VPS39: variants seen among roughly 807,000 people sequenced by gnomAD.
VPS39 encodes the protein vam6/Vps39-like protein.
In VPS39, 70 loss-of-function variants were observed where a neutral mutation model predicts 121.0. That is an observed-to-expected ratio of 0.58 (90% CI 0.48 to 0.71). The LOEUF (loss-of-function observed/expected upper bound fraction) is 0.71. Among genes scored for constraint, VPS39 ranks in the 30% least tolerant of loss-of-function variants. The probability of loss-of-function intolerance (pLI) is 0.00; values close to 1 mark genes in which losing one functional copy is unlikely to be tolerated. For missense variants in VPS39, 818 were observed against 1,051.5 expected (o/e 0.78, Z 3.07); for synonymous variants, 378 against 398.1 (o/e 0.95, Z 0.60).
intron 17 of VPS39, 190 bp from the exon 18 acceptor site, chr15:42,165,303 A>G (rs548857830): frequency 5.0e-6 from 3 of 600,904 alleles, no homozygotes; most frequent in African/African-American, 1.9e-5. Flanking sequence ...TAACGTGAGG[A>G]GCCATCTTCT....
At chr15:42,200,853 C>G (rs530367698) in intron 1 of VPS39, among the ~76,000 whole-genome samples, 1 of 152,132 alleles carries the variant, frequency 6.6e-6, no homozygotes, top group Non-Finnish European at 1.5e-5. Flanking sequence ...GTCTATATAA[C>G]GGAATATTAG....
chr15:42,193,545 G>T, intron 2 of VPS39, among the ~76,000 whole-genome samples: 1 of 151,346 alleles, frequency 6.6e-6, no homozygotes. Flanking sequence ...CACTTTGAAT[G>T]TATTTTTTAC....
chr15:42,168,294 T>C (rs897458073), intron 12 of VPS39, among the ~76,000 whole-genome samples: 1 of 152,234 alleles, frequency 6.6e-6, no homozygotes, highest in Admixed American at 6.5e-5. Flanking sequence ...TGGAGGGCCT[T>C]CCACAATGCC....
intron 2 of VPS39, 136 bp from the exon 3 acceptor site, chr15:42,191,696 T>C (rs979267621): frequency 1.3e-6 from 1 of 749,374 alleles, no homozygotes; most frequent in African/African-American, 1.8e-5. Context: ...ATCAGAGATC[T>C]AAATAGCCAG....
intron 15 of VPS39, 142 bp from the exon 16 acceptor site, chr15:42,166,374 T>C: frequency 9.0e-7 from 1 of 1,113,032 alleles, no homozygotes; most frequent in Non-Finnish European, 1.3e-6. Context: ...TTAGCCCTAC[T>C]GGGCTGGCTC....
chr15:42,175,827 C>G (rs563706946), intron 10 of VPS39, among the ~76,000 whole-genome samples: 1 of 152,098 alleles, frequency 6.6e-6, no homozygotes, highest in African/African-American at 2.4e-5. Flanking sequence ...ACACTTTACA[C>G]TTCTTTAACT....
chr15:42,160,965 CCTG>C, intron 24 of VPS39, 136 bp from the exon 25 acceptor site: 1 of 790,624 alleles, frequency 1.3e-6, no homozygotes, highest in Non-Finnish European at 2.1e-6. Context: ...CAAAGAACAG[CCTG>C]CCTGAGGGGC....
At chr15:42,198,780 T>A (rs2050000665) in intron 2 of VPS39, among the ~76,000 whole-genome samples, 1 of 152,230 alleles carries the variant, frequency 6.6e-6, no homozygotes, top group Non-Finnish European at 1.5e-5. Context: ...TGCCTACAGC[T>A]GCTTTCATGT....
intron 6 of VPS39, 66 bp downstream of exon 6, chr15:42,187,692 C>T: frequency 6.9e-7 from 1 of 1,452,094 alleles, no homozygotes. Flanking sequence ...GAGTCCTGAA[C>T]TTCACTAGAA....
At chr15:42,177,559 A>C (rs954948596) in intron 10 of VPS39, among the ~76,000 whole-genome samples, 6 of 152,360 alleles carry the variant, frequency 3.9e-5, no homozygotes, top group Admixed American at 3.9e-4. Flanking sequence ...GTTGCATTCA[A>C]CTTTACTATA....
chr15:42,185,732 A>C (rs1352476478), intron 7 of VPS39, among the ~76,000 whole-genome samples: 1 of 152,180 alleles, frequency 6.6e-6, no homozygotes, highest in Non-Finnish European at 1.5e-5. Flanking sequence ...AGGTCTAGGA[A>C]CAGAAGGAGA....
chr15:42,192,163 A>G, intron 2 of VPS39: 2 of 1,505,150 alleles, frequency 1.3e-6, no homozygotes, highest in African/African-American at 1.4e-5. Context: ...CTTGCTGGGG[A>G]TGACAAAAAT....
At position 42,164,478 on chromosome 15, in the gene VPS39, G is replaced by C; in HGVS notation, c.1906C>G (p.Pro636Ala). Residue 636 changes from proline to alanine, a missense_variant, in exon 19 of 25, where the codon CCA becomes GCA. Pro to Ala is a conservative substitution (Grantham distance 27). Transcript: ENST00000318006. ...YLLSFPAGKT[P>A]VPAGEEEGEL... is the part of the protein sequence containing the mutation. ...CCCTCTTCCTCTCCAGCTGGGACTG[G>C]GGTTTTGCCTTTAAGGGAAACCAAG... 6.2e-7 allele frequency: 1 copy of C among 1,614,060 alleles called. No individual in the cohort carries two copies. Among genetic ancestry groups the C allele is most frequent in the Non-Finnish European group, 8.5e-7 (1 of 1,179,994 alleles).
chr15:42,161,083 C>T (rs1399287719), intron 24 of VPS39: 1 of 467,898 alleles, frequency 2.1e-6, no homozygotes, highest in African/African-American at 1.9e-5. Flanking sequence ...AAACACAAGG[C>T]ATATTAAAGA....
chr15:42,167,027 C>A, intron 13 of VPS39, 114 bp from the exon 14 acceptor site: 1 of 1,449,750 alleles, frequency 6.9e-7, no homozygotes, highest in Non-Finnish European at 9.3e-7. Context: ...CAAGAGAAAG[C>A]AGACAGCCCT....
chr15:42,174,388 C>T (rs190825723), intron 10 of VPS39, among the ~76,000 whole-genome samples: 4 of 152,260 alleles, frequency 2.6e-5, no homozygotes, highest in East Asian at 3.9e-4. Context: ...GATGCCTAAC[C>T]GGTAATCTTG....
chr15:42,164,597 G>C, intron 18 of VPS39, 111 bp from the exon 19 acceptor site: 1 of 1,479,670 alleles, frequency 6.8e-7, no homozygotes, highest in Non-Finnish European at 8.9e-7. Flanking sequence ...TGACCAGAAA[G>C]GGCCTCCAGG....
At position 42,160,809 on chromosome 15, in the gene VPS39, T is replaced by A. The variant is rs370543713; in HGVS notation, c.2573A>T (p.Asn858Ile). 1 of 1,613,892 alleles carries A rather than the reference T, an allele frequency of 6.2e-7. No individual in the cohort carries two copies. Among genetic ancestry groups the A allele is most frequent in the African/African-American group, 1.3e-5 (1 of 74,898 alleles). The change falls in exon 25 of 25, where the codon AAT (asparagine) becomes ATT (isoleucine). Residue 858 changes from asparagine to isoleucine, a missense_variant. Coordinates refer to ENST00000318006, the MANE Select transcript of VPS39 (RefSeq NM_015289.5). ...IGNSAFARYP[N>I]GVVVHYFCSK... ...ACAGAAGTAATGGACGACCACTCCA[T>A]TGGGGTATCTTGCAAATGCACTGCA... is the stretch of plus-strand genomic sequence containing the variant.
chr15:42,160,564 C>T lies in VPS39; in HGVS notation c.*190G>A, dbSNP rs993299647. The T allele has an allele frequency of 3.3e-6, 2 of 607,568 alleles. No individual in the cohort carries two copies. The highest frequency in any genetic ancestry group is 2.8e-5 in the East Asian group (1 of 36,284). 37.6% of individuals were successfully genotyped at this position (607,568 alleles called of 1,614,324 possible). A position where few individuals can be genotyped will look rare whatever the true frequency, so the allele number is the denominator to read the frequency against. ...TATAAGGTATAACTAATCTCTTTTC[C>T]CATTAAAAAGCTGGCAATGCCAGAC... On this transcript the variant is annotated 3_prime_UTR_variant, in exon 25 of 25. Coordinates refer to ENST00000318006, the MANE Select transcript of VPS39 (RefSeq NM_015289.5).
Sources: gnomAD v4.1 joint callset for allele counts (sites outside exome capture counted in the v4.1 genomes callset) on GRCh38, gnomAD v4.1.1 for gene constraint, MANE v1.5 for transcripts, NCBI Gene and HGNC (gene_info 2026-07-23, HGNC 2026-07-21) for gene names.